The following ANKS1A variants were observed in gnomAD, a reference collection of about 807,000 sequenced individuals.
ANKS1A encodes ankyrin repeat and SAM domain-containing protein 1A.
In ANKS1A, 55 loss-of-function variants were observed where a neutral mutation model predicts 120.3. The ratio of observed to expected loss-of-function variants is 0.46; its 90% CI spans 0.37 to 0.57. The LOEUF is 0.57. Ranked by LOEUF, ANKS1A falls within the 20% of genes least tolerant of loss-of-function variation. The pLI is 0.00. For synonymous variants in ANKS1A, 590 were observed against 604.7 expected (o/e 0.98, Z 0.36); for missense variants, 1,123 against 1,480.3 (o/e 0.76, Z 3.96).
chr6:35,056,666 C>A (rs1776240018), intron 12 of ANKS1A, among the ~76,000 whole-genome samples: 1 of 152,164 alleles, frequency 6.6e-6, no homozygotes, highest in Non-Finnish European at 1.5e-5. Context: ...GTTTTTGGAT[C>A]CCAGCACACA....
intron 11 of ANKS1A, among the ~76,000 whole-genome samples, chr6:35,023,290 G>T (rs111460515): frequency 6.6e-6 from 1 of 152,150 alleles, no homozygotes; most frequent in Admixed American, 6.5e-5. Flanking sequence ...AATTTGTGCC[G>T]TCTTTTCCTG....
intron 8 of ANKS1A, among the ~76,000 whole-genome samples, chr6:34,985,587 C>T (rs1020213984): frequency 4.7e-4 from 71 of 152,096 alleles, no homozygotes; most frequent in Non-Finnish European, 5.9e-4. Flanking sequence ...CTTAGTGTTG[C>T]TTCTGTCTTT....
chr6:35,026,812 A>G (rs1284006560), intron 11 of ANKS1A, among the ~76,000 whole-genome samples: 1 of 152,138 alleles, frequency 6.6e-6, no homozygotes, highest in Non-Finnish European at 1.5e-5. Flanking sequence ...TTCTTTAGTC[A>G]TGATTGCTAC....
At chr6:35,029,842 G>A (rs1216768606) in intron 11 of ANKS1A, among the ~76,000 whole-genome samples, 1 of 147,342 alleles carries the variant, frequency 6.8e-6, no homozygotes, top group Non-Finnish European at 1.5e-5. Context: ...TATATATATA[G>A]TTACATATTC....
chr6:35,053,617 G>C (rs1776067796), intron 11 of ANKS1A, among the ~76,000 whole-genome samples: 1 of 152,226 alleles, frequency 6.6e-6, no homozygotes, highest in Admixed American at 6.5e-5. Context: ...TGGTCATACA[G>C]TATCAGTTAT....
At chr6:34,936,024 T>C (rs1276353751) in intron 1 of ANKS1A, among the ~76,000 whole-genome samples, 1 of 129,512 alleles carries the variant, frequency 7.7e-6, no homozygotes, top group Non-Finnish European at 1.5e-5. Context: ...ATCCCGCCAC[T>C]GCACTCCAGC....
At chr6:34,998,542 C>G (rs1380296981) in intron 10 of ANKS1A, among the ~76,000 whole-genome samples, 2 of 152,166 alleles carry the variant, frequency 1.3e-5, no homozygotes, top group Non-Finnish European at 2.9e-5. Context: ...GACCTAGCAA[C>G]TGATGTTATC....
chr6:34,956,090 T>C (rs1770346888), intron 1 of ANKS1A, among the ~76,000 whole-genome samples: 1 of 151,936 alleles, frequency 6.6e-6, no homozygotes, highest in South Asian at 2.1e-4. Context: ...GGTCCTCGAA[T>C]TTTATCTTTC....
chr6:35,014,281 G>A (rs2820237), intron 10 of ANKS1A, among the ~76,000 whole-genome samples: 81,209 of 152,072 alleles, frequency 0.53, 25,348 homozygotes, highest in Non-Finnish European at 0.69. Flanking sequence ...ATACCAAAGT[G>A]TCTTTCTTAG....
intron 1 of ANKS1A, among the ~76,000 whole-genome samples, chr6:34,949,615 A>G (rs1206921612): frequency 6.6e-5 from 10 of 152,198 alleles, no homozygotes. Context: ...GATATAAAAT[A>G]AATATCTGGG....
chr6:35,015,579 A>G (rs1248493374), intron 10 of ANKS1A, among the ~76,000 whole-genome samples: 1 of 152,184 alleles, frequency 6.6e-6, no homozygotes, highest in Non-Finnish European at 1.5e-5. Flanking sequence ...AATCAGAGCC[A>G]TAAAGTGGAG....
intron 11 of ANKS1A, among the ~76,000 whole-genome samples, chr6:35,045,253 G>T (rs1220089601): frequency 6.6e-6 from 1 of 152,222 alleles, no homozygotes; most frequent in Admixed American, 6.5e-5. Flanking sequence ...AAGCAGGGCT[G>T]CACTCAGACC....
At chr6:35,043,618 A>G (rs1369692666) in intron 11 of ANKS1A, among the ~76,000 whole-genome samples, 1 of 152,226 alleles carries the variant, frequency 6.6e-6, no homozygotes, top group Non-Finnish European at 1.5e-5. Flanking sequence ...AGCCTCTTAC[A>G]TGGCCACTTG....
rs563373520 is a variant in ANKS1A at position 34,987,699 on chromosome 6, C to G, written c.1210-1525C>G. 2.6e-5 allele frequency among the ~76,000 whole-genome samples: 4 copies of G among 152,336 alleles called. No individual in the cohort carries two copies. In the South Asian group the frequency reaches 8.3e-4, roughly 32 times the overall value. ...CAAGATAGAATACTGAGCAGTGAAG[C>G]CTGTTTTAAGAGAGAGATTATGGAT... On this transcript the variant is annotated intron_variant, in intron 8 of 23. Coordinates refer to ENST00000360359, the MANE Select transcript of ANKS1A (RefSeq NM_015245.3).
chr6:34,999,519 C>T (rs1181863650), intron 10 of ANKS1A, among the ~76,000 whole-genome samples: 2 of 152,096 alleles, frequency 1.3e-5, no homozygotes, highest in Admixed American at 6.5e-5. Flanking sequence ...AATAAGCCCA[C>T]CCTACTAGGA....
At chr6:34,936,569 A>G (rs1769267945) in intron 1 of ANKS1A, among the ~76,000 whole-genome samples, 1 of 152,170 alleles carries the variant, frequency 6.6e-6, no homozygotes, top group South Asian at 2.1e-4. Flanking sequence ...CTTTTATGAG[A>G]ATGTTCTAGT....
At chr6:35,016,780 AAAGAG>A (rs1774027999) in intron 10 of ANKS1A, among the ~76,000 whole-genome samples, 1 of 54,204 alleles carries the variant, frequency 1.8e-5, no homozygotes, top group Non-Finnish European at 7.5e-5. Flanking sequence ...AAAAAAAAAA[AAAGAG>A]AGAGAGAAAG....
chr6:35,040,008 C>A (rs1775375953), intron 11 of ANKS1A, among the ~76,000 whole-genome samples: 1 of 152,186 alleles, frequency 6.6e-6, no homozygotes, highest in African/African-American at 2.4e-5. Context: ...TATATAAACC[C>A]TACCCTCATG....
chr6:35,080,868 C>T (rs747380462), intron 16 of ANKS1A, 126 bp from the exon 17 acceptor site: 6 of 1,217,622 alleles, frequency 4.9e-6, no homozygotes, highest in Non-Finnish European at 6.9e-6. Context: ...GTGTTGGCCC[C>T]TTCGCTCCCT....
Sources: allele counts gnomAD v4.1 joint callset (sites outside exome capture counted in the v4.1 genomes callset), GRCh38; gene constraint gnomAD v4.1.1; transcripts MANE v1.5; gene names NCBI Gene and HGNC (gene_info 2026-07-23, HGNC 2026-07-21).